FHOD3: variants seen among roughly 807,000 people sequenced by gnomAD.
FHOD3 encodes FH1/FH2 domain-containing protein 3.
Under a neutral mutation model 173.0 loss-of-function variants are expected in FHOD3, and 90 were observed. The observed-to-expected ratio is 0.52, with a 90% CI of 0.44 to 0.62. FHOD3 has a LOEUF of 0.62. Ranked by LOEUF, FHOD3 falls within the 20% of genes least tolerant of loss-of-function variation. The pLI, the probability that FHOD3 is intolerant of heterozygous loss-of-function variation, is 0.00. For missense variants in FHOD3, 1,945 were observed against 2,034.7 expected, an observed-to-expected ratio of 0.96 and a Z score of 0.85; for synonymous variants, 828 against 823.0, an observed-to-expected ratio of 1.01 and a Z score of -0.10.
At chr18:36,413,327 G>A (rs558942817) in intron 3 of FHOD3, among the ~76,000 whole-genome samples, 2 of 152,262 alleles carry the variant, frequency 1.3e-5, no homozygotes, top group South Asian at 2.1e-4. Context: ...CATATACATG[G>A]ACACCCCCAT....
intron 9 of FHOD3, among the ~76,000 whole-genome samples, chr18:36,620,298 T>A: frequency 6.6e-6 from 1 of 152,174 alleles, no homozygotes. Context: ...CTTTATCCAT[T>A]CTATTTTCTT....
intron 3 of FHOD3, among the ~76,000 whole-genome samples, chr18:36,485,512 C>T (rs901208931): frequency 1.3e-5 from 2 of 152,166 alleles, no homozygotes; most frequent in African/African-American, 4.8e-5. Flanking sequence ...TGTGAAAGTC[C>T]AGGGGCTGCC....
At chr18:36,691,393 G>A (rs1426930105) in intron 16 of FHOD3, among the ~76,000 whole-genome samples, 2 of 152,212 alleles carry the variant, frequency 1.3e-5, no homozygotes, top group Non-Finnish European at 2.9e-5. Flanking sequence ...GCAGCAGTGT[G>A]GGAATGCCTG....
chr18:36,704,342 G>T (rs1365209754), intron 17 of FHOD3, among the ~76,000 whole-genome samples: 1 of 152,198 alleles, frequency 6.6e-6, no homozygotes, highest in African/African-American at 2.4e-5. Context: ...AGTTTTGGAT[G>T]CCTGTAATGT....
At position 36,428,626 on chromosome 18, in the gene FHOD3, A is replaced by G. The variant is rs139635847; in HGVS notation, c.337+55882A>G. On this transcript the variant is annotated intron_variant, in intron 3 of 28. Transcript: ENST00000590592. ...TGTCTGTCTGTCTGCCTGTCTTGTC[A>G]CATGGTCTCTCATCCCTTCTTTTCC... 1.1e-3 allele frequency among the ~76,000 whole-genome samples: 161 copies of G among 152,306 alleles called. 1 individual carries two copies. The Middle Eastern group carries it at 0.02, about 19-fold the overall frequency.
chr18:36,305,147 A>T (rs1235972065), intron 1 of FHOD3, among the ~76,000 whole-genome samples: 1 of 152,230 alleles, frequency 6.6e-6, no homozygotes, highest in African/African-American at 2.4e-5. Flanking sequence ...AATTATCACC[A>T]ATCTGCAAAA....
chr18:36,644,323 GAATT>G (rs1246943487), intron 10 of FHOD3, among the ~76,000 whole-genome samples: 2 of 152,184 alleles, frequency 1.3e-5, no homozygotes, highest in East Asian at 1.9e-4. Flanking sequence ...AAAGTTGTCA[GAATT>G]AATTATTCAG....
intron 3 of FHOD3, among the ~76,000 whole-genome samples, chr18:36,484,807 A>G (rs1264024716): frequency 1.3e-5 from 2 of 152,070 alleles, no homozygotes; most frequent in African/African-American, 4.8e-5. Context: ...TACTGAGGAC[A>G]TTTTCCATGC....
intron 3 of FHOD3, among the ~76,000 whole-genome samples, chr18:36,471,557 G>C (rs2053285324): frequency 6.6e-6 from 1 of 152,206 alleles, no homozygotes; most frequent in African/African-American, 2.4e-5. Flanking sequence ...ATTAGGATCA[G>C]AACAATGGTC....
At chr18:36,694,976 G>GGTGTGT (rs34946996) in intron 17 of FHOD3, among the ~76,000 whole-genome samples, 263 of 149,174 alleles carry the variant, frequency 1.8e-3, no homozygotes, top group African/African-American at 4.4e-3. Context: ...TGTATACGTG[G>GGTGTGT]GTGTGTGTGT....
chr18:36,435,135 G>C (rs1347763536), intron 3 of FHOD3, among the ~76,000 whole-genome samples: 1 of 145,400 alleles, frequency 6.9e-6, no homozygotes, highest in African/African-American at 2.6e-5. Context: ...GAAAAGACCC[G>C]TTTCCTTGAA....
intron 3 of FHOD3, among the ~76,000 whole-genome samples, chr18:36,482,765 T>A (rs997974577): frequency 6.6e-6 from 1 of 151,606 alleles, no homozygotes; most frequent in South Asian, 2.1e-4. Flanking sequence ...TGGAGTCCAA[T>A]AAATGTTTGT....
intron 3 of FHOD3, among the ~76,000 whole-genome samples, chr18:36,482,201 CA>C (rs1424159757): frequency 6.6e-6 from 1 of 152,150 alleles, no homozygotes; most frequent in Admixed American, 6.5e-5. Flanking sequence ...GTGTGTAAAG[CA>C]GACACAAATC....
At chr18:36,527,163 C>G (rs2056559501) in intron 5 of FHOD3, among the ~76,000 whole-genome samples, 2 of 152,284 alleles carry the variant, frequency 1.3e-5, no homozygotes, top group African/African-American at 4.8e-5. Context: ...CATCAGGAGC[C>G]CCTCTGACTA....
At chr18:36,333,431 G>A (rs939933845) in intron 1 of FHOD3, among the ~76,000 whole-genome samples, 1 of 152,224 alleles carries the variant, frequency 6.6e-6, no homozygotes, top group Non-Finnish European at 1.5e-5. Flanking sequence ...ACTTAATTTG[G>A]TGGAAAGGAT....
chr18:36,707,437 G>A (rs562013607), intron 17 of FHOD3, among the ~76,000 whole-genome samples: 1 of 152,320 alleles, frequency 6.6e-6, no homozygotes, highest in African/African-American at 2.4e-5. Flanking sequence ...ACATTTCCAC[G>A]GAGGAGTGGG....
In FHOD3 at chr18:36,657,864, A is replaced by G. The variant is rs181080956; in HGVS notation, c.1722-211A>G. On this transcript the variant is annotated intron_variant, in intron 13 of 28. Transcript: ENST00000590592. ...CCTTTGTCATAAATCTTGCTGCCTA[A>G]TGGTTTTAGACTTTGGGAAACTCCT... Among the ~76,000 whole-genome samples, 74 of 152,316 alleles carry G rather than the reference A, an allele frequency of 4.9e-4. 1 individual carries two copies. In the East Asian group the frequency reaches 0.013, roughly 26 times the overall value.
intron 5 of FHOD3, among the ~76,000 whole-genome samples, chr18:36,575,329 A>G (rs1313061962): frequency 6.6e-6 from 1 of 152,062 alleles, no homozygotes; most frequent in African/African-American, 2.4e-5. Flanking sequence ...CTAATATTAC[A>G]TATATATTTG....
intron 14 of FHOD3, among the ~76,000 whole-genome samples, chr18:36,671,467 C>A (rs972819796): frequency 3.3e-5 from 5 of 152,210 alleles, no homozygotes; most frequent in African/African-American, 9.6e-5. Context: ...AATCTGGTTC[C>A]TGTTACTCCA....
Sources: gnomAD v4.1 joint callset for allele counts (sites outside exome capture counted in the v4.1 genomes callset) on GRCh38, gnomAD v4.1.1 for gene constraint, MANE v1.5 for transcripts, NCBI Gene and HGNC (gene_info 2026-07-23, HGNC 2026-07-21) for gene names.